Variants in ANKH observed in about 807,000 individuals in gnomAD.
The protein encoded by ANKH is ANKH inorganic pyrophosphate transport regulator, also known as mineralization regulator ANKH.
In ANKH, 15 loss-of-function variants were observed where a neutral mutation model predicts 49.0. That is an observed-to-expected ratio of 0.31 (90% CI 0.20 to 0.47). The LOEUF is 0.47. ANKH is among the 20% of genes least tolerant of loss of function. The pLI, the probability that ANKH is intolerant of heterozygous loss-of-function variation, is 1.00. For synonymous variants in ANKH, 273 were observed against 260.0 expected, an observed-to-expected ratio of 1.05 and a Z score of -0.48; for missense variants, 429 against 652.0, an observed-to-expected ratio of 0.66 and a Z score of 3.72.
rs146087472 is a variant in ANKH at position 14,753,990 on chromosome 5, G to A, written c.516+1871C>T. Among the ~76,000 whole-genome samples, 4 of 152,262 alleles carry A rather than the reference G, an allele frequency of 2.6e-5. No homozygotes were observed. In the East Asian group the frequency reaches 5.8e-4, roughly 22 times the overall value. ...AGGTATGTTTTCATACCTAACAAACGTTTTCAGGTAATGAGAGGAAGCCTG... is the reference window on the plus strand; with the variant it reads ...AGGTATGTTTTCATACCTAACAAACATTTTCAGGTAATGAGAGGAAGCCTG... On this transcript the variant is annotated intron_variant, in intron 4 of 11. Coordinates refer to ENST00000284268, the MANE Select transcript of ANKH (RefSeq NM_054027.6).
At chr5:14,804,407 C>A (rs1740645412) in intron 1 of ANKH, among the ~76,000 whole-genome samples, 1 of 152,202 alleles carries the variant, frequency 6.6e-6, no homozygotes, top group African/African-American at 2.4e-5. Flanking sequence ...TGCAGGCATC[C>A]TCTTTCCTTT....
At chr5:14,726,977 C>T (rs920301627) in intron 8 of ANKH, among the ~76,000 whole-genome samples, 7 of 152,264 alleles carry the variant, frequency 4.6e-5, no homozygotes, top group South Asian at 2.1e-4. Context: ...TCCACATCCG[C>T]GTCTTGCTCA....
intron 1 of ANKH, among the ~76,000 whole-genome samples, chr5:14,828,294 C>T (rs978248606): frequency 1.8e-4 from 27 of 152,062 alleles, no homozygotes; most frequent in East Asian, 1.9e-4. Context: ...GAGTTTGAGA[C>T]CAGCCTGGCC....
chr5:14,746,055 A>C, intron 6 of ANKH, 93 bp from the exon 7 acceptor site: 1 of 983,442 alleles, frequency 1.0e-6, no homozygotes, highest in Non-Finnish European at 1.6e-6. Flanking sequence ...ACTCAGGTGC[A>C]GCCACTGAGG....
Position 14,710,967 on chromosome 5 carries a change from GT to G in ANKH, c.*229del. On this transcript the variant is annotated 3_prime_UTR_variant, in exon 12 of 12. Transcript: ENST00000284268. ...GTGAGGCAGGGGTATGAAGTCAGTTGTTTCGTTTGTTTTTACATAGCAACAG... is the reference window on the plus strand; with the variant it reads ...GTGAGGCAGGGGTATGAAGTCAGTTGTTCGTTTGTTTTTACATAGCAACAG... The G allele has an allele frequency of 1.9e-6, 1 of 527,928 alleles. No individual in the cohort carries two copies. The highest frequency in any genetic ancestry group is 3.4e-6 in the Non-Finnish European group (1 of 291,004). 32.7% of individuals were successfully genotyped at this position (527,928 alleles called of 1,614,324 possible).
chr5:14,831,004 C>A (rs922147429), intron 1 of ANKH, among the ~76,000 whole-genome samples: 7 of 152,208 alleles, frequency 4.6e-5, no homozygotes, highest in Non-Finnish European at 8.8e-5. Flanking sequence ...AAAGTTAAAT[C>A]ATTCACTTTT....
intron 1 of ANKH, among the ~76,000 whole-genome samples, chr5:14,833,597 G>A (rs1227677777): frequency 6.6e-6 from 1 of 152,162 alleles, no homozygotes; most frequent in Admixed American, 6.5e-5. Context: ...AGTATTCAGG[G>A]TGAAAAAGGC....
rs1435207565 is a variant in ANKH at position 14,708,464 on chromosome 5, G to T, written c.*2733C>A. The stretch of plus-strand genomic sequence containing the variant: ...ACAATGAAAAATAAATGTTTTGGGG[G>T]AATGTTTCTTTGGTCACAAAAGTCA... On this transcript the variant is annotated 3_prime_UTR_variant, in exon 12 of 12. Coordinates refer to ENST00000284268, the MANE Select transcript of ANKH (RefSeq NM_054027.6). 1 of 152,222 alleles carries T rather than the reference G, an allele frequency of 6.6e-6. No homozygotes were observed. The highest frequency in any genetic ancestry group is 1.5e-5 in the Non-Finnish European group (1 of 68,044). 9.4% of individuals were successfully genotyped at this position (152,222 alleles called of 1,614,324 possible). A position where few individuals can be genotyped will look rare whatever the true frequency, so the allele number is the denominator to read the frequency against.
intron 3 of ANKH, among the ~76,000 whole-genome samples, chr5:14,757,869 TA>T (rs1738952973): frequency 6.6e-6 from 1 of 152,244 alleles, no homozygotes. Flanking sequence ...ATCAGTCTGC[TA>T]ATTCCTCAAA....
intron 1 of ANKH, among the ~76,000 whole-genome samples, chr5:14,777,844 T>A (rs1245753828): frequency 6.6e-6 from 1 of 152,130 alleles, no homozygotes; most frequent in Admixed American, 6.5e-5. Context: ...TGGGGTTCAG[T>A]ACATAAGTTG....
chr5:14,830,355 G>A (rs1322813533), intron 1 of ANKH, among the ~76,000 whole-genome samples: 3 of 152,156 alleles, frequency 2.0e-5, no homozygotes, highest in African/African-American at 7.2e-5. Context: ...TGGAATGACC[G>A]AAGGTGGCGA....
rs577325072 is a variant in ANKH at position 14,706,060 on chromosome 5, CT to C, written c.*5136del. 6.4e-4 allele frequency: 97 copies of C among 152,318 alleles called. No homozygotes were observed. Among genetic ancestry groups the C allele is most frequent in the Middle Eastern group, 6.8e-3 (2 of 294 alleles). The allele number at this position is 152,318 out of a possible 1,614,324, so 9.4% of individuals were successfully genotyped here. A position where few individuals can be genotyped will look rare whatever the true frequency, so the allele number is the denominator to read the frequency against. On this transcript the variant is annotated 3_prime_UTR_variant, in exon 12 of 12. Transcript: ENST00000284268. ...CCATTTTTAGCTGGTCTGTCCCCTT[CT>C]TTAACCTAAGGAAACCACTTAAACT...
chr5:14,716,479 G>C (rs1226686549), intron 9 of ANKH, among the ~76,000 whole-genome samples: 1 of 151,836 alleles, frequency 6.6e-6, no homozygotes, highest in African/African-American at 2.4e-5. Flanking sequence ...GTGACGGAAT[G>C]AAACTCTGTC....
rs1055806305 is a variant in ANKH, at chr5:14,719,768, G to A, written c.1012-2933C>T. ...GGAGTAGGAAAGGGACAGGGTGGAA[G>A]TGAGCAGCACTGAAGAGGTGGGCTG... On this transcript the variant is annotated intron_variant, in intron 8 of 11. Transcript: ENST00000284268. 1.4e-4 allele frequency among the ~76,000 whole-genome samples: 21 copies of A among 152,208 alleles called. 1 individual carries two copies. Among genetic ancestry groups the A allele is most frequent in the Admixed American group, 1.3e-3 (20 of 15,286 alleles).
intron 1 of ANKH, among the ~76,000 whole-genome samples, chr5:14,791,702 G>A (rs1398210141): frequency 5.3e-5 from 8 of 152,156 alleles, no homozygotes; most frequent in African/African-American, 1.7e-4. Flanking sequence ...TGCAAAGAAT[G>A]CCAGTTTTGC....
At chr5:14,801,322 C>A (rs1740561026) in intron 1 of ANKH, among the ~76,000 whole-genome samples, 1 of 152,208 alleles carries the variant, frequency 6.6e-6, no homozygotes, top group African/African-American at 2.4e-5. Context: ...TGCTTCCAAT[C>A]CTTTCCCAGT....
chr5:14,800,733 T>C (rs1025128452), intron 1 of ANKH, among the ~76,000 whole-genome samples: 6 of 147,170 alleles, frequency 4.1e-5, no homozygotes, highest in East Asian at 1.9e-4. Context: ...TTTTCTTTTT[T>C]TTTTTTTTTT....
chr5:14,710,192 C>T lies in ANKH; in HGVS notation c.*1005G>A, dbSNP rs1737112222. ...AGAGTTATGACTAAGGATAGCAGAACCAGGTAATATATCTACTTCAAAAGT... is the reference window on the plus strand; with the variant it reads ...AGAGTTATGACTAAGGATAGCAGAATCAGGTAATATATCTACTTCAAAAGT... On this transcript the variant is annotated 3_prime_UTR_variant, in exon 12 of 12. Coordinates refer to ENST00000284268, the MANE Select transcript of ANKH (RefSeq NM_054027.6). 2 of 152,100 alleles carry T rather than the reference C, an allele frequency of 1.3e-5. No homozygotes were observed. Among genetic ancestry groups the T allele is most frequent in the African/African-American group, 4.8e-5 (2 of 41,386 alleles). 9.4% of individuals were successfully genotyped at this position (152,100 alleles called of 1,614,324 possible).
chr5:14,761,117 A>G (rs972493085), intron 2 of ANKH, among the ~76,000 whole-genome samples: 12 of 152,288 alleles, frequency 7.9e-5, no homozygotes, highest in African/African-American at 2.2e-4. Flanking sequence ...CTACAAGCCC[A>G]GGAATGCCAA....
Sources: allele counts gnomAD v4.1 joint callset (sites outside exome capture counted in the v4.1 genomes callset), GRCh38; gene constraint gnomAD v4.1.1; transcripts MANE v1.5; gene names NCBI Gene and HGNC (gene_info 2026-07-23, HGNC 2026-07-21).